Variants in SYN3 observed in about 807,000 individuals in gnomAD.
The protein encoded by SYN3 is synapsin-3.
In SYN3, 35 loss-of-function variants were observed where a neutral mutation model predicts 65.8. The observed-to-expected ratio is 0.53, with a 90% CI of 0.41 to 0.70. The LOEUF (loss-of-function observed/expected upper bound fraction) is 0.70, where lower values mean the gene tolerates loss of function less well. Ranked by LOEUF, SYN3 falls within the 30% of genes least tolerant of loss-of-function variation. The pLI, the probability that SYN3 is intolerant of heterozygous loss-of-function variation, is 0.00. For synonymous variants in SYN3, 270 were observed against 292.9 expected, an observed-to-expected ratio of 0.92 and a Z score of 0.80; for missense variants, 680 against 749.0, an observed-to-expected ratio of 0.91 and a Z score of 1.08.
At chr22:32,576,595 A>G (rs1019565911) in intron 7 of SYN3, among the ~76,000 whole-genome samples, 2 of 152,076 alleles carry the variant, frequency 1.3e-5, no homozygotes, top group South Asian at 4.2e-4. Flanking sequence ...TTGATTGTAC[A>G]CTTCAGTAAT....
chr22:32,782,199 G>A (rs1275805896), intron 6 of SYN3, among the ~76,000 whole-genome samples: 1 of 151,894 alleles, frequency 6.6e-6, no homozygotes, highest in Non-Finnish European at 1.5e-5. Context: ...CTCCCAAGTA[G>A]CTGGGATTAC....
chr22:32,980,836 A>C, intron 2 of SYN3, 134 bp from the exon 3 acceptor site: 1 of 711,868 alleles, frequency 1.4e-6, no homozygotes. Context: ...TCCCACCTTC[A>C]CTACTGATTT....
chr22:32,583,093 C>T (rs889285491), intron 7 of SYN3, among the ~76,000 whole-genome samples: 3 of 152,144 alleles, frequency 2.0e-5, no homozygotes, highest in African/African-American at 7.2e-5. Context: ...CAGGGTCTGC[C>T]GCTAGTGTCC....
chr22:32,774,936 T>C (rs959595890), intron 6 of SYN3, among the ~76,000 whole-genome samples: 2 of 152,216 alleles, frequency 1.3e-5, no homozygotes, highest in African/African-American at 4.8e-5. Flanking sequence ...CAACAAATGC[T>C]GAGGGCCTCC....
intron 6 of SYN3, among the ~76,000 whole-genome samples, chr22:32,728,532 G>T (rs1017504753): frequency 1.3e-5 from 2 of 152,192 alleles, no homozygotes; most frequent in Admixed American, 6.6e-5. Context: ...CAGAGAGGCT[G>T]ACCTTGACCA....
chr22:32,783,618 C>T (rs532159029), intron 6 of SYN3, among the ~76,000 whole-genome samples: 6 of 152,226 alleles, frequency 3.9e-5, no homozygotes, highest in Admixed American at 6.5e-5. Flanking sequence ...ATCCCCTGTG[C>T]GCCGTCTCTG....
chr22:32,960,129 C>A (rs1224976627), intron 3 of SYN3, among the ~76,000 whole-genome samples: 2 of 152,152 alleles, frequency 1.3e-5, no homozygotes, highest in Non-Finnish European at 2.9e-5. Flanking sequence ...TGCTTTGACC[C>A]CTGGGCCTTG....
At chr22:32,941,690 C>G (rs1398265118) in intron 3 of SYN3, among the ~76,000 whole-genome samples, 1 of 152,216 alleles carries the variant, frequency 6.6e-6, no homozygotes, top group Non-Finnish European at 1.5e-5. Flanking sequence ...AGGGAATTCC[C>G]TTTCCTAGCC....
Position 32,693,592 on chromosome 22 carries a change from G to GTTTTTTTTTTTTTT in SYN3, c.712-96870_712-96857dup, listed in dbSNP as rs1189710191. Among the ~76,000 whole-genome samples the GTTTTTTTTTTTTTT allele has an allele frequency of 3.0e-4, 27 of 90,500 alleles. 5 individuals carry two copies. Among genetic ancestry groups the GTTTTTTTTTTTTTT allele is most frequent in the African/African-American group, 1.3e-3 (25 of 19,068 alleles). The allele number at this position is 90,500 out of a possible 152,430, so 59.4% of individuals were successfully genotyped here. ...ATATAATATTATTTTTCTGTAGCTTGTTTTTTTTTTTTTTTTTTTTTTTGA... is the reference window on the plus strand; with the variant it reads ...ATATAATATTATTTTTCTGTAGCTTGTTTTTTTTTTTTTTTTTTTTTTTTTTTTTTTTTTTTTGA... On this transcript the variant is annotated intron_variant, in intron 6 of 13. Transcript: ENST00000358763.
At chr22:32,843,963 C>T (rs1467221060) in intron 6 of SYN3, among the ~76,000 whole-genome samples, 1 of 152,050 alleles carries the variant, frequency 6.6e-6, no homozygotes, top group Non-Finnish European at 1.5e-5. Context: ...TGGTATCTCA[C>T]CTGCTAGATA....
chr22:32,902,997 G>A (rs560034785), intron 4 of SYN3, among the ~76,000 whole-genome samples: 35 of 152,246 alleles, frequency 2.3e-4, no homozygotes, highest in African/African-American at 7.9e-4. Flanking sequence ...TTTAAACTAC[G>A]GTGGTTTGGA....
At chr22:32,969,685 C>T (rs749406288) in intron 3 of SYN3, among the ~76,000 whole-genome samples, 25 of 152,182 alleles carry the variant, frequency 1.6e-4, no homozygotes, top group Non-Finnish European at 2.6e-4. Context: ...CCTCTCTGAA[C>T]CTTTCAGCTG....
intron 4 of SYN3, among the ~76,000 whole-genome samples, chr22:32,900,928 G>A (rs907674362): frequency 6.6e-6 from 1 of 152,146 alleles, no homozygotes; most frequent in African/African-American, 2.4e-5. Flanking sequence ...TGACGGCAGC[G>A]GAAATATTTG....
chr22:32,884,656 G>A (rs112083840), intron 4 of SYN3, among the ~76,000 whole-genome samples: 23,785 of 152,204 alleles, frequency 0.16, 2,372 homozygotes, highest in Non-Finnish European at 0.22. Flanking sequence ...CAAGGCGGGC[G>A]GATCACGAGG....
chr22:33,025,896 G>C (rs2053634695), intron 1 of SYN3, among the ~76,000 whole-genome samples: 1 of 152,144 alleles, frequency 6.6e-6, no homozygotes, highest in Non-Finnish European at 1.5e-5. Flanking sequence ...TGATTAATCA[G>C]GGGAGCCTTG....
At chr22:32,858,196 C>T (rs1454040632) in intron 6 of SYN3, 2 of 1,602,994 alleles carry the variant, frequency 1.2e-6, no homozygotes, top group Non-Finnish European at 1.7e-6. Flanking sequence ...GCCCTAGAAA[C>T]ATCAGCTCCC....
intron 4 of SYN3, among the ~76,000 whole-genome samples, chr22:32,877,397 T>G (rs1308762061): frequency 6.6e-6 from 1 of 152,170 alleles, no homozygotes; most frequent in Non-Finnish European, 1.5e-5. Context: ...GATGGAACCA[T>G]GAGTCAAGCT....
At chr22:32,515,758 T>C (rs114647958) in intron 13 of SYN3, among the ~76,000 whole-genome samples, 4,115 of 152,162 alleles carry the variant, frequency 0.027, 180 homozygotes, top group African/African-American at 0.095. Flanking sequence ...CGGAATACTA[T>C]ACAGCCATAA....
At chr22:32,562,542 T>C (rs1424399064) in intron 7 of SYN3, among the ~76,000 whole-genome samples, 1 of 152,148 alleles carries the variant, frequency 6.6e-6, no homozygotes, top group Non-Finnish European at 1.5e-5. Context: ...TGCCTAATAC[T>C]CCCCACAATC....
Sources: allele counts gnomAD v4.1 joint callset (sites outside exome capture counted in the v4.1 genomes callset), GRCh38; gene constraint gnomAD v4.1.1; transcripts MANE v1.5; gene names NCBI Gene and HGNC (gene_info 2026-07-23, HGNC 2026-07-21).